Variants in CTNNA3 observed in about 807,000 individuals in gnomAD.
CTNNA3 encodes catenin alpha 3, also known as catenin alpha-3.
Under a neutral mutation model 95.7 loss-of-function variants are expected in CTNNA3, and 76 were observed. The observed-to-expected ratio is 0.79, with a 90% CI of 0.66 to 0.96. The LOEUF is 0.96. Ranked by LOEUF, CTNNA3 falls within the 40% of genes least tolerant of loss-of-function variation. CTNNA3 has a pLI of 0.00. For missense variants in CTNNA3, 1,191 were observed against 1,089.8 expected (o/e 1.09, Z -1.31); for synonymous variants, 431 against 374.4 (o/e 1.15, Z -1.74).
chr10:65,984,714 T>C (rs941338086), intron 16 of CTNNA3, among the ~76,000 whole-genome samples: 12 of 151,412 alleles, frequency 7.9e-5, no homozygotes, highest in African/African-American at 2.9e-4. Flanking sequence ...GTGACACAAT[T>C]ATGTCAACTT....
At chr10:66,674,574 GA>G (rs375220233) in intron 9 of CTNNA3, among the ~76,000 whole-genome samples, 3,021 of 146,562 alleles carry the variant, frequency 0.021, 84 homozygotes, top group African/African-American at 0.071. Flanking sequence ...ACAGAGTGAA[GA>G]AAAAAAAAAC....
At chr10:67,165,673 T>C (rs1024747368) in intron 7 of CTNNA3, among the ~76,000 whole-genome samples, 1 of 152,178 alleles carries the variant, frequency 6.6e-6, no homozygotes, top group Non-Finnish European at 1.5e-5. Context: ...AAAATTTAGT[T>C]TCTAGTCTTT....
intron 13 of CTNNA3, among the ~76,000 whole-genome samples, chr10:66,108,320 C>T (rs1225830879): frequency 2.0e-5 from 3 of 152,076 alleles, no homozygotes; most frequent in African/African-American, 7.2e-5. Flanking sequence ...TTCAAGAAAT[C>T]AGTGACATTT....
At chr10:66,159,472 A>T (rs993780630) in intron 13 of CTNNA3, among the ~76,000 whole-genome samples, 1 of 151,974 alleles carries the variant, frequency 6.6e-6, no homozygotes, top group Admixed American at 6.6e-5. Context: ...ATTGACTTGC[A>T]TATGTTACCA....
At chr10:66,807,446 T>C (rs148472506) in intron 7 of CTNNA3, among the ~76,000 whole-genome samples, 29 of 152,268 alleles carry the variant, frequency 1.9e-4, no homozygotes, top group African/African-American at 6.5e-4. Flanking sequence ...AAAGCCCTGT[T>C]TCCACCATTG....
At chr10:66,623,445 G>A (rs1157248056) in intron 9 of CTNNA3, among the ~76,000 whole-genome samples, 1 of 136,492 alleles carries the variant, frequency 7.3e-6, no homozygotes, top group Non-Finnish European at 1.6e-5. Context: ...TCTTCTTCTG[G>A]ATATTTGCTG....
chr10:66,445,968 G>T (rs2093417551), intron 11 of CTNNA3, among the ~76,000 whole-genome samples: 1 of 151,972 alleles, frequency 6.6e-6, no homozygotes, highest in Non-Finnish European at 1.5e-5. Flanking sequence ...TCAAATAGAT[G>T]CAATAAAAAA....
At chr10:66,947,435 G>T (rs1237959215) in intron 7 of CTNNA3, among the ~76,000 whole-genome samples, 1 of 152,148 alleles carries the variant, frequency 6.6e-6, no homozygotes, top group African/African-American at 2.4e-5. Context: ...CATGGGGAAA[G>T]GGGAATGGTT....
intron 7 of CTNNA3, among the ~76,000 whole-genome samples, chr10:67,119,024 T>C (rs1859335892): frequency 6.6e-6 from 1 of 151,854 alleles, no homozygotes; most frequent in Non-Finnish European, 1.5e-5. Context: ...AAAATACAAT[T>C]TCTGGACTGT....
intron 6 of CTNNA3, among the ~76,000 whole-genome samples, chr10:67,203,612 C>T (rs1164479257): frequency 6.6e-6 from 1 of 152,102 alleles, no homozygotes; most frequent in Non-Finnish European, 1.5e-5. Context: ...CTTTCCATTC[C>T]AACTCCTTTA....
chr10:66,707,777 T>TA (rs1848165296), intron 9 of CTNNA3, among the ~76,000 whole-genome samples: 1 of 152,212 alleles, frequency 6.6e-6, no homozygotes, highest in East Asian at 1.9e-4. Context: ...CAGCTGGTGT[T>TA]AACTAACCAG....
At chr10:66,341,155 G>A (rs1457320111) in intron 12 of CTNNA3, among the ~76,000 whole-genome samples, 5 of 151,824 alleles carry the variant, frequency 3.3e-5, no homozygotes, top group African/African-American at 1.2e-4. Flanking sequence ...TGAGTTAAAA[G>A]AAGATGAAAC....
In CTNNA3 at chr10:66,745,228, G is replaced by T. The variant is rs966202758; in HGVS notation, c.1281+21036C>A. 2.0e-5 allele frequency among the ~76,000 whole-genome samples: 3 copies of T among 152,212 alleles called. No individual in the cohort carries two copies. In the East Asian group the frequency reaches 5.8e-4, roughly 29 times the overall value. Reference sequence around the variant, plus strand: ...CAAGTGTAATGCCTGTTCAAGTTTGGCATATGCAGAAGTAACCACATAGGT... The same window carrying T: ...CAAGTGTAATGCCTGTTCAAGTTTGTCATATGCAGAAGTAACCACATAGGT... On this transcript the variant is annotated intron_variant, in intron 9 of 17. Transcript: ENST00000433211.
At chr10:66,068,565 T>C (rs2080363308) in intron 15 of CTNNA3, among the ~76,000 whole-genome samples, 1 of 152,190 alleles carries the variant, frequency 6.6e-6, no homozygotes, top group Non-Finnish European at 1.5e-5. Context: ...GTACCAACGG[T>C]ACACAGCACC....
intron 11 of CTNNA3, among the ~76,000 whole-genome samples, chr10:66,449,619 T>C (rs2093449080): frequency 6.6e-6 from 1 of 152,118 alleles, no homozygotes; most frequent in South Asian, 2.1e-4. Context: ...TTTTTTGCCT[T>C]CTATAAATTA....
intron 7 of CTNNA3, among the ~76,000 whole-genome samples, chr10:66,930,501 G>T (rs187667087): frequency 6.6e-6 from 1 of 152,202 alleles, no homozygotes; most frequent in Admixed American, 6.5e-5. Context: ...TACTAAAGAT[G>T]TTTGTATTAA....
intron 9 of CTNNA3, among the ~76,000 whole-genome samples, chr10:66,731,625 G>A (rs1848962789): frequency 6.6e-6 from 1 of 152,108 alleles, no homozygotes; most frequent in Non-Finnish European, 1.5e-5. Context: ...ACATTTTGAT[G>A]AGAAATTTTT....
chr10:66,864,997 A>G (rs1844108173), intron 7 of CTNNA3, among the ~76,000 whole-genome samples: 1 of 152,144 alleles, frequency 6.6e-6, no homozygotes. Context: ...AGAGTGGCAT[A>G]TTTTAGAGAA....
intron 5 of CTNNA3, among the ~76,000 whole-genome samples, chr10:67,454,436 A>C (rs1343097073): frequency 6.6e-6 from 1 of 152,202 alleles, no homozygotes. Context: ...AGTCAAAGAG[A>C]AAAGAAGAAC....
Sources: allele counts gnomAD v4.1 joint callset (sites outside exome capture counted in the v4.1 genomes callset), GRCh38; gene constraint gnomAD v4.1.1; transcripts MANE v1.5; gene names NCBI Gene and HGNC (gene_info 2026-07-23, HGNC 2026-07-21).